Variants in OPCML observed in about 807,000 individuals in gnomAD.
OPCML encodes the protein opioid binding protein/cell adhesion molecule like.
Under a neutral mutation model 37.8 loss-of-function variants are expected in OPCML, and 13 were observed. That is an observed-to-expected ratio of 0.34 (90% CI 0.22 to 0.55). The LOEUF is 0.55. OPCML is among the 20% of genes least tolerant of loss of function. The pLI is 0.91. For synonymous variants in OPCML, 176 were observed against 168.8 expected, an observed-to-expected ratio of 1.04 and a Z score of -0.33; for missense variants, 341 against 435.6, an observed-to-expected ratio of 0.78 and a Z score of 1.93.
intron 1 of OPCML, among the ~76,000 whole-genome samples, chr11:132,951,085 AGCCCCACCTCT>A (rs1565362985): frequency 6.6e-6 from 1 of 152,158 alleles, no homozygotes; most frequent in Non-Finnish European, 1.5e-5. Flanking sequence ...CGTCAGTCCA[AGCCCCACCTCT>A]GCAGCTCACT....
intron 1 of OPCML, among the ~76,000 whole-genome samples, chr11:133,307,800 C>CCATG (rs1203925017): frequency 6.6e-6 from 1 of 152,092 alleles, no homozygotes. Flanking sequence ...AGTGCTTGAT[C>CCATG]CATGGTAGAC....
chr11:133,218,497 G>A (rs1300009147), intron 1 of OPCML, among the ~76,000 whole-genome samples: 1 of 152,280 alleles, frequency 6.6e-6, no homozygotes, highest in African/African-American at 2.4e-5. Flanking sequence ...AAGAAGCTGA[G>A]GTATGTACAA....
intron 3 of OPCML, among the ~76,000 whole-genome samples, chr11:132,553,160 C>T (rs748142088): frequency 1.3e-5 from 2 of 152,126 alleles, no homozygotes; most frequent in Non-Finnish European, 2.9e-5. Flanking sequence ...AAATGACAGC[C>T]CTGATAAATG....
chr11:133,013,493 G>A (rs1947261061), intron 1 of OPCML, among the ~76,000 whole-genome samples: 1 of 152,276 alleles, frequency 6.6e-6, no homozygotes, highest in Non-Finnish European at 1.5e-5. Flanking sequence ...GGATGATAAA[G>A]ATAATTACTC....
chr11:132,697,160 ATTGTGC>A (rs1943628979), intron 2 of OPCML, among the ~76,000 whole-genome samples: 1 of 152,204 alleles, frequency 6.6e-6, no homozygotes, highest in African/African-American at 2.4e-5. Context: ...ACAAAGAAAA[ATTGTGC>A]ATATTTAAGA....
chr11:132,526,616 A>G (rs2096309164), intron 4 of OPCML, among the ~76,000 whole-genome samples: 1 of 152,160 alleles, frequency 6.6e-6, no homozygotes, highest in African/African-American at 2.4e-5. Flanking sequence ...AAAAGATTGA[A>G]TGATGCTCCT....
At position 132,714,428 on chromosome 11, in the gene OPCML, A is replaced by G. The variant is rs1944390136; in HGVS notation, c.147-57109T>C. Among the ~76,000 whole-genome samples the G allele has an allele frequency of 2.0e-5, 3 of 152,204 alleles. No homozygotes were observed. The South Asian group carries it at 6.2e-4, about 31-fold the overall frequency. On this transcript the variant is annotated intron_variant, in intron 2 of 7. Transcript: ENST00000524381. ...GGCACAGAGTAGAAAGTTCACACTTAAAACCCCAGAAGATGCTTCAAAAGC... is the reference window on the plus strand; with the variant it reads ...GGCACAGAGTAGAAAGTTCACACTTGAAACCCCAGAAGATGCTTCAAAAGC...
intron 1 of OPCML, among the ~76,000 whole-genome samples, chr11:133,194,318 C>T (rs952810888): frequency 6.7e-6 from 1 of 148,994 alleles, no homozygotes; most frequent in Non-Finnish European, 1.5e-5. Context: ...TCAAGCAATT[C>T]TCCTGCCTCA....
chr11:132,752,894 T>G (rs924104258), intron 2 of OPCML, among the ~76,000 whole-genome samples: 1 of 152,174 alleles, frequency 6.6e-6, no homozygotes, highest in Non-Finnish European at 1.5e-5. Flanking sequence ...AAACAATTTG[T>G]CCACTTCTTC....
chr11:132,848,936 A>T (rs1941675736), intron 2 of OPCML, among the ~76,000 whole-genome samples: 1 of 152,202 alleles, frequency 6.6e-6, no homozygotes, highest in Non-Finnish European at 1.5e-5. Flanking sequence ...TTGCTGGGCG[A>T]AGTTGGTGAA....
intron 1 of OPCML, among the ~76,000 whole-genome samples, chr11:133,215,031 C>T (rs536450249): frequency 6.6e-6 from 1 of 152,300 alleles, no homozygotes; most frequent in African/African-American, 2.4e-5. Flanking sequence ...CATAAGCATG[C>T]ATCTTAGAAC....
At chr11:133,008,392 C>G (rs1023573632) in intron 1 of OPCML, 2 of 985,238 alleles carry the variant, frequency 2.0e-6, no homozygotes, top group Non-Finnish European at 2.4e-6. Context: ...CAGAGGACAT[C>G]CGAGATTGTG....
intron 1 of OPCML, among the ~76,000 whole-genome samples, chr11:133,121,462 C>T (rs979805589): frequency 6.6e-6 from 1 of 152,164 alleles, no homozygotes; most frequent in Admixed American, 6.5e-5. Flanking sequence ...AGACAAGTCC[C>T]AGCTGGGAAA....
Position 133,208,594 on chromosome 11 carries a change from T to C in OPCML, c.62-265584A>G, listed in dbSNP as rs1181778788. ...TTAGTGAAGTTGAAGCAGGAAAAGC[T>C]GGATTTTGACACATATTTGACATGC... On this transcript the variant is annotated intron_variant, in intron 1 of 7. Coordinates refer to ENST00000524381, the MANE Select transcript of OPCML (RefSeq NM_001012393.5). The surrounding 1 kb of genome is among the most constrained non-coding windows in gnomAD (Gnocchi z 8.9). Among the ~76,000 whole-genome samples, 1 of 152,208 alleles carries C rather than the reference T, an allele frequency of 6.6e-6. No homozygotes were observed. The highest frequency in any genetic ancestry group is 1.5e-5 in the Non-Finnish European group (1 of 68,038).
At chr11:132,540,648 GA>G (rs1294886616) in intron 3 of OPCML, among the ~76,000 whole-genome samples, 1 of 152,186 alleles carries the variant, frequency 6.6e-6, no homozygotes, top group African/African-American at 2.4e-5. Flanking sequence ...CTATTTTGAT[GA>G]GAGAAATGAT....
intron 2 of OPCML, among the ~76,000 whole-genome samples, chr11:132,902,265 G>C (rs200741873): frequency 1.3e-5 from 2 of 152,152 alleles, no homozygotes; most frequent in South Asian, 2.1e-4. Context: ...TTGTTAGCCC[G>C]ATGGGGATGG....
intron 1 of OPCML, among the ~76,000 whole-genome samples, chr11:133,112,187 C>T (rs1486685311): frequency 6.7e-6 from 1 of 148,438 alleles, no homozygotes; most frequent in Non-Finnish European, 1.5e-5. Flanking sequence ...GAGTATGGTT[C>T]CATCCAAGGA....
Position 133,517,502 on chromosome 11 carries a change from G to A in OPCML, c.61+14762C>T, listed in dbSNP as rs149937894. Among the ~76,000 whole-genome samples, 124 of 152,342 alleles carry A rather than the reference G, an allele frequency of 8.1e-4. 1 individual carries two copies. Among genetic ancestry groups the A allele is most frequent in the Non-Finnish European group, 5.9e-5 (4 of 68,030 alleles). On this transcript the variant is annotated intron_variant, in intron 1 of 7. Transcript: ENST00000524381. Reference sequence around the variant, plus strand: ...TTCCTCTGGTTGATAAAGGGCAACAGGGAGTCAGGGAGTGGGGGCAACTCC... The same window carrying A: ...TTCCTCTGGTTGATAAAGGGCAACAAGGAGTCAGGGAGTGGGGGCAACTCC...
At chr11:133,082,991 C>T (rs563131860) in intron 1 of OPCML, among the ~76,000 whole-genome samples, 1 of 151,282 alleles carries the variant, frequency 6.6e-6, no homozygotes, top group East Asian at 2.0e-4. Context: ...CGCCAGAGGG[C>T]GCCCGTCAGC....
Sources: gnomAD v4.1 joint callset for allele counts (sites outside exome capture counted in the v4.1 genomes callset) on GRCh38, gnomAD v4.1.1 for gene constraint, Gnocchi (gnomAD v3.1) non-coding constraint, MANE v1.5 for transcripts, NCBI Gene and HGNC (gene_info 2026-07-23, HGNC 2026-07-21) for gene names.